Variants in ABLIM2 observed in about 807,000 individuals in gnomAD.
The protein encoded by ABLIM2 is actin binding LIM protein family member 2.
In ABLIM2, 53 loss-of-function variants were observed where a neutral mutation model predicts 97.7. The observed-to-expected ratio is 0.54, with a 90% CI of 0.44 to 0.68. ABLIM2 has a LOEUF of 0.68. ABLIM2 is among the 30% of genes least tolerant of loss of function. The probability of loss-of-function intolerance (pLI) is 0.00; values close to 1 mark genes in which losing one functional copy is unlikely to be tolerated. For synonymous variants in ABLIM2, 361 were observed against 345.8 expected, an observed-to-expected ratio of 1.04 and a Z score of -0.49; for missense variants, 835 against 867.2, an observed-to-expected ratio of 0.96 and a Z score of 0.47.
rs143227813 is a variant in ABLIM2, at chr4:8,140,043, G to A, written c.10+18637C>T. ...TACATGTTCTCACTTACAAGTGGGA[G>A]CTGAACAGTGAGAACACATGGAAAC... On this transcript the variant is annotated intron_variant, in intron 1 of 20. Coordinates refer to ENST00000447017, the MANE Select transcript of ABLIM2 (RefSeq NM_001130083.2). This position sits in a 1 kb window ranked among gnomAD's most constrained non-coding sequence, Gnocchi z 5.9. Among the ~76,000 whole-genome samples the A allele has an allele frequency of 6.8e-6, 1 of 146,800 alleles. No individual in the cohort carries two copies. The highest frequency in any genetic ancestry group is 1.5e-5 in the Non-Finnish European group (1 of 67,376).
intron 1 of ABLIM2, among the ~76,000 whole-genome samples, chr4:8,142,013 G>T (rs552220737): frequency 6.6e-6 from 1 of 152,330 alleles, no homozygotes; most frequent in African/African-American, 2.4e-5. Flanking sequence ...TGTCATCCTG[G>T]GGCCAGCGGG....
intron 6 of ABLIM2, among the ~76,000 whole-genome samples, chr4:8,063,825 C>T (rs897936825): frequency 2.6e-5 from 4 of 152,206 alleles, no homozygotes; most frequent in Non-Finnish European, 4.4e-5. Flanking sequence ...CCAAATACCC[C>T]CCTTGCCTTT....
chr4:8,114,776 C>A (rs1386220708), intron 1 of ABLIM2, among the ~76,000 whole-genome samples: 4 of 129,656 alleles, frequency 3.1e-5, no homozygotes, highest in Non-Finnish European at 6.7e-5. Flanking sequence ...TAGGCCAGCA[C>A]CGGGCCGATG....
At chr4:7,987,431 T>G (rs1483368920) in intron 17 of ABLIM2, among the ~76,000 whole-genome samples, 1 of 152,150 alleles carries the variant, frequency 6.6e-6, no homozygotes, top group East Asian at 1.9e-4. Context: ...TCAAGAACAA[T>G]GTTTTGATAC....
rs1432123496 is a variant in ABLIM2, at chr4:8,140,843, C to T, written c.10+17837G>A. Among the ~76,000 whole-genome samples the T allele has an allele frequency of 6.6e-6, 1 of 152,084 alleles. No homozygotes were observed. The highest frequency in any genetic ancestry group is 1.5e-5 in the Non-Finnish European group (1 of 68,014). The stretch of plus-strand genomic sequence containing the variant: ...GGTGGGGTTCAGGGCAGGGAGGTGG[C>T]TGCCAAGAAGAGCTATGAAGAATTA... On this transcript the variant is annotated intron_variant, in intron 1 of 20. Coordinates refer to ENST00000447017, the MANE Select transcript of ABLIM2 (RefSeq NM_001130083.2). The surrounding 1 kb of genome is among the most constrained non-coding windows in gnomAD (Gnocchi z 5.9).
rs1578272089 is a variant in ABLIM2, at chr4:7,999,734, A to G, written c.1619-6807T>C. 6.6e-6 allele frequency among the ~76,000 whole-genome samples: 1 copy of G among 152,170 alleles called. No homozygotes were observed. The highest frequency in any genetic ancestry group is 1.9e-4 in the East Asian group (1 of 5,196). On this transcript the variant is annotated intron_variant, in intron 16 of 20. Transcript: ENST00000447017. This position sits in a 1 kb window ranked among gnomAD's most constrained non-coding sequence, Gnocchi z 4.4. Reference sequence around the variant, plus strand: ...GCATGGCGGCAACTGGGTAGTCCTGATGCCAGTTACATGAGGCTCTGCAGG... The same window carrying G: ...GCATGGCGGCAACTGGGTAGTCCTGGTGCCAGTTACATGAGGCTCTGCAGG...
At chr4:7,989,232 C>A (rs548516474) in intron 17 of ABLIM2, among the ~76,000 whole-genome samples, 1 of 152,140 alleles carries the variant, frequency 6.6e-6, no homozygotes, top group East Asian at 1.9e-4. Context: ...GCATGTGCTA[C>A]CATGACTGGC....
At chr4:8,070,091 T>C (rs1194348999) in intron 6 of ABLIM2, among the ~76,000 whole-genome samples, 1 of 152,036 alleles carries the variant, frequency 6.6e-6, no homozygotes, top group Non-Finnish European at 1.5e-5. Flanking sequence ...TGTGTCTTTC[T>C]GTGTGTTTGT....
chr4:8,032,630 C>T lies in ABLIM2; in HGVS notation c.1048-2854G>A, dbSNP rs200845715. On this transcript the variant is annotated intron_variant, in intron 10 of 20. Coordinates refer to ENST00000447017, the MANE Select transcript of ABLIM2 (RefSeq NM_001130083.2). The surrounding 1 kb of genome is among the most constrained non-coding windows in gnomAD (Gnocchi z 4.3). ...CAGCGCCACGGCAAGCGGGGACAGG[C>T]GAGAGGGTGGTGGTTACCTCGGTCG... is the stretch of plus-strand genomic sequence containing the variant. The T allele has an allele frequency of 6.5e-4, 1,048 of 1,612,296 alleles. 3 individuals carry two copies. The highest frequency in any genetic ancestry group is 6.1e-3 in the African/African-American group (458 of 74,966).
intron 1 of ABLIM2, among the ~76,000 whole-genome samples, chr4:8,137,646 C>T (rs1435144146): frequency 6.6e-6 from 1 of 152,250 alleles, no homozygotes; most frequent in African/African-American, 2.4e-5. Context: ...CTCAGCCAAG[C>T]TGTGGAGTCG....
At chr4:8,056,620 C>G (rs896208139) in intron 7 of ABLIM2, among the ~76,000 whole-genome samples, 7 of 150,598 alleles carry the variant, frequency 4.6e-5, no homozygotes, top group African/African-American at 1.7e-4. Flanking sequence ...AATTTCATAT[C>G]CTACATATTT....
chr4:8,143,475 A>G (rs1387723857), intron 1 of ABLIM2, among the ~76,000 whole-genome samples: 3 of 151,872 alleles, frequency 2.0e-5, no homozygotes, highest in African/African-American at 7.3e-5. Flanking sequence ...AAATTCCTCA[A>G]ACACATACTC....
At chr4:8,105,697 C>T (rs1324221473) in intron 2 of ABLIM2, among the ~76,000 whole-genome samples, 2 of 152,232 alleles carry the variant, frequency 1.3e-5, no homozygotes, top group African/African-American at 4.8e-5. Context: ...GGCCGCACAC[C>T]GCAGCAGGGA....
intron 9 of ABLIM2, among the ~76,000 whole-genome samples, chr4:8,038,535 C>T (rs2151517073): frequency 6.6e-6 from 1 of 152,312 alleles, no homozygotes; most frequent in African/African-American, 2.4e-5. Context: ...AGGTTCAGCC[C>T]CCTACTCCAG....
intron 1 of ABLIM2, among the ~76,000 whole-genome samples, chr4:8,141,186 C>G (rs987782421): frequency 1.3e-5 from 2 of 152,100 alleles, no homozygotes; most frequent in Non-Finnish European, 2.9e-5. Context: ...TTGGCCACCC[C>G]CTCTCCCCAC....
intron 3 of ABLIM2, among the ~76,000 whole-genome samples, chr4:8,091,596 AATTAT>A (rs1293252549): frequency 3.6e-5 from 1 of 27,864 alleles, no homozygotes. Context: ...TTATATATAT[AATTAT>A]ATATATTATG....
intron 20 of ABLIM2, among the ~76,000 whole-genome samples, chr4:7,981,512 TC>T (rs1738425125): frequency 6.6e-6 from 1 of 152,214 alleles, no homozygotes; most frequent in South Asian, 2.1e-4. Context: ...AGACTGCACC[TC>T]TTGGGTGGTC....
rs1849243998 is a variant in ABLIM2 at position 8,130,762 on chromosome 4, A to G, written c.11-24125T>C. ...GGGAGAGACGGTCTGGGCAGAGAGC[A>G]GTACAACAAGGACAGGAATACAAAA... On this transcript the variant is annotated intron_variant, in intron 1 of 20. Coordinates refer to ENST00000447017, the MANE Select transcript of ABLIM2 (RefSeq NM_001130083.2). This position sits in a 1 kb window ranked among gnomAD's most constrained non-coding sequence, Gnocchi z 4.2. Among the ~76,000 whole-genome samples the G allele has an allele frequency of 6.6e-6, 1 of 152,174 alleles. No individual in the cohort carries two copies.
chr4:8,041,257 T>C (rs960047311), intron 9 of ABLIM2: 3 of 152,284 alleles, frequency 2.0e-5, no homozygotes, highest in Non-Finnish European at 2.9e-5. Context: ...ATCTCTCCTG[T>C]GGACGGGAAC....
Sources: allele counts gnomAD v4.1 joint callset (sites outside exome capture counted in the v4.1 genomes callset), GRCh38; gene constraint gnomAD v4.1.1; non-coding constraint Gnocchi (gnomAD v3.1); transcripts MANE v1.5; gene names NCBI Gene and HGNC (gene_info 2026-07-23, HGNC 2026-07-21).